Variants in ADAMTS12 observed in about 807,000 individuals in gnomAD.
The protein encoded by ADAMTS12 is ADAM metallopeptidase with thrombospondin type 1 motif 12.
ADAMTS12 carries 118 observed loss-of-function variants against 167.8 expected under a neutral mutation model. That is an observed-to-expected ratio of 0.70 (90% CI 0.61 to 0.82). The LOEUF (loss-of-function observed/expected upper bound fraction) is 0.82, where lower values mean the gene tolerates loss of function less well. Among genes scored for constraint, ADAMTS12 ranks in the 40% least tolerant of loss-of-function variants. The probability of loss-of-function intolerance (pLI) is 0.00; values close to 1 mark genes in which losing one functional copy is unlikely to be tolerated. For missense variants in ADAMTS12, 1,916 were observed against 1,998.8 expected, an observed-to-expected ratio of 0.96 and a Z score of 0.79; for synonymous variants, 704 against 716.9, an observed-to-expected ratio of 0.98 and a Z score of 0.29.
chr5:33,640,665 T>C (rs1740403059), intron 11 of ADAMTS12, among the ~76,000 whole-genome samples: 1 of 152,130 alleles, frequency 6.6e-6, no homozygotes, highest in Non-Finnish European at 1.5e-5. Flanking sequence ...AAAATAATTT[T>C]GTGAAGAATT....
At chr5:33,729,108 T>A (rs1446268946) in intron 3 of ADAMTS12, among the ~76,000 whole-genome samples, 1 of 152,234 alleles carries the variant, frequency 6.6e-6, no homozygotes, top group Non-Finnish European at 1.5e-5. Context: ...TATTTTATAT[T>A]CTTTATACAT....
chr5:33,722,614 CT>C (rs1326134915), intron 3 of ADAMTS12, among the ~76,000 whole-genome samples: 2 of 152,190 alleles, frequency 1.3e-5, no homozygotes, highest in African/African-American at 4.8e-5. Context: ...AGCTTGTTTC[CT>C]TTACGCACAG....
At chr5:33,781,638 T>C (rs1489499315) in intron 2 of ADAMTS12, among the ~76,000 whole-genome samples, 3 of 152,312 alleles carry the variant, frequency 2.0e-5, no homozygotes, top group Admixed American at 2.0e-4. Flanking sequence ...GGTCAACCAG[T>C]AAATTTATCC....
chr5:33,659,619 T>C (rs1284130806), intron 6 of ADAMTS12, among the ~76,000 whole-genome samples: 1 of 152,134 alleles, frequency 6.6e-6, no homozygotes, highest in Non-Finnish European at 1.5e-5. Flanking sequence ...AAAAGAATTA[T>C]AGGAACATGG....
intron 2 of ADAMTS12, among the ~76,000 whole-genome samples, chr5:33,770,803 T>TCTCCTC (rs1324443881): frequency 8.4e-6 from 1 of 119,484 alleles, no homozygotes; most frequent in Admixed American, 7.9e-5. Flanking sequence ...TTCTCCTCCT[T>TCTCCTC]CTTCTTCTTC....
At chr5:33,858,810 C>T (rs948262644) in intron 2 of ADAMTS12, among the ~76,000 whole-genome samples, 5 of 151,976 alleles carry the variant, frequency 3.3e-5, no homozygotes, top group Non-Finnish European at 7.4e-5. Flanking sequence ...CTGAGGCACC[C>T]AGCTCATCTC....
rs1345168468 is a variant in ADAMTS12 at position 33,536,599 on chromosome 5, C to CCA, written c.4447-1608_4447-1607insTG. Among the ~76,000 whole-genome samples, 1,156 of 152,244 alleles carry CCA rather than the reference C, an allele frequency of 7.6e-3. 13 individuals are homozygous for CCA. Among genetic ancestry groups the CCA allele is most frequent in the African/African-American group, 0.026 (1,094 of 41,526 alleles). On this transcript the variant is annotated intron_variant, in intron 22 of 23. Coordinates refer to ENST00000504830, the MANE Select transcript of ADAMTS12 (RefSeq NM_030955.4). ...TGTGTAGTTTCACTTAATAATAGAT[C>CCA]ATAGAGGTTACGAGTGATTCCAAAG...
At chr5:33,739,837 G>A (rs563564138) in intron 3 of ADAMTS12, among the ~76,000 whole-genome samples, 1 of 152,320 alleles carries the variant, frequency 6.6e-6, no homozygotes, top group East Asian at 1.9e-4. Context: ...GAAGGCCTGG[G>A]AGGAGAAAGC....
intron 19 of ADAMTS12, among the ~76,000 whole-genome samples, chr5:33,570,971 A>C (rs1442380675): frequency 6.6e-6 from 1 of 151,640 alleles, no homozygotes; most frequent in Non-Finnish European, 1.5e-5. Context: ...ACAGACTTTA[A>C]ACCAACAAAG....
At chr5:33,620,375 A>G (rs1455213510) in intron 14 of ADAMTS12, among the ~76,000 whole-genome samples, 2 of 152,282 alleles carry the variant, frequency 1.3e-5, no homozygotes, top group African/African-American at 2.4e-5. Flanking sequence ...AAAATATTCA[A>G]GAATTGCAGG....
At chr5:33,837,102 A>G (rs2111576705) in intron 2 of ADAMTS12, among the ~76,000 whole-genome samples, 1 of 152,268 alleles carries the variant, frequency 6.6e-6, no homozygotes, top group Non-Finnish European at 1.5e-5. Context: ...AGCACACCAG[A>G]CAAGCCCCAC....
At chr5:33,566,452 A>G (rs1746020152) in intron 19 of ADAMTS12, among the ~76,000 whole-genome samples, 1 of 152,208 alleles carries the variant, frequency 6.6e-6, no homozygotes, top group Admixed American at 6.5e-5. Flanking sequence ...TGACAGAGTG[A>G]GACCCTGTCT....
rs147856191 is a variant in ADAMTS12 at position 33,629,492 on chromosome 5, G to A, written c.2022+1288C>T. ...TGTGAAAGTTGTCAGAATCAAAATG[G>A]AGCAACTAATGTTAAGAAAAAACCC... On this transcript the variant is annotated intron_variant, in intron 13 of 23. Coordinates refer to ENST00000504830, the MANE Select transcript of ADAMTS12 (RefSeq NM_030955.4). Among the ~76,000 whole-genome samples the A allele has an allele frequency of 3.0e-3, 461 of 152,230 alleles. 3 individuals carry two copies. Among genetic ancestry groups the A allele is most frequent in the African/African-American group, 0.01 (432 of 41,526 alleles).
intron 3 of ADAMTS12, among the ~76,000 whole-genome samples, chr5:33,711,061 A>C (rs897834916): frequency 6.6e-5 from 10 of 152,118 alleles, no homozygotes; most frequent in Non-Finnish European, 1.0e-4. Context: ...TGAAGATTCC[A>C]ATAACAACTT....
chr5:33,789,098 G>T (rs1288057405), intron 2 of ADAMTS12, among the ~76,000 whole-genome samples: 1 of 152,202 alleles, frequency 6.6e-6, no homozygotes, highest in Non-Finnish European at 1.5e-5. Context: ...TCCTCTCTGA[G>T]TCATGATTGG....
intron 2 of ADAMTS12, among the ~76,000 whole-genome samples, chr5:33,837,032 G>A (rs1214875491): frequency 6.6e-6 from 1 of 152,118 alleles, no homozygotes; most frequent in African/African-American, 2.4e-5. Flanking sequence ...TACAGGCTTG[G>A]ACCACCATGC....
intron 2 of ADAMTS12, among the ~76,000 whole-genome samples, chr5:33,815,543 A>G (rs10805582): frequency 0.45 from 68,053 of 152,052 alleles, 15,605 homozygotes; most frequent in African/African-American, 0.47. Flanking sequence ...TGAGAAAGGA[A>G]TATCTGTTTT....
chr5:33,595,640 T>A (rs1438860253), intron 17 of ADAMTS12, among the ~76,000 whole-genome samples: 1 of 151,922 alleles, frequency 6.6e-6, no homozygotes, highest in African/African-American at 2.4e-5. Context: ...GTAGTAAAAC[T>A]ACTTTTGGGT....
At chr5:33,849,431 AATAGCAATATATATATGTATTGC>A (rs1749112005) in intron 2 of ADAMTS12, among the ~76,000 whole-genome samples, 1 of 88,844 alleles carries the variant, frequency 1.1e-5, no homozygotes, top group Non-Finnish European at 2.0e-5. Context: ...ATATGTATTG[AATAGCAATATATATATGTATTGC>A]ACAGCAATAT....
Sources: gnomAD v4.1 joint callset for allele counts (sites outside exome capture counted in the v4.1 genomes callset) on GRCh38, gnomAD v4.1.1 for gene constraint, MANE v1.5 for transcripts, NCBI Gene and HGNC (gene_info 2026-07-23, HGNC 2026-07-21) for gene names.